Variants in ZNF609 observed in about 807,000 individuals in gnomAD.
ZNF609 encodes the protein zinc finger protein 609.
ZNF609 carries 11 observed loss-of-function variants against 109.5 expected under a neutral mutation model. That is an observed-to-expected ratio of 0.10 (90% CI 0.06 to 0.17). ZNF609 has a LOEUF of 0.17. ZNF609 is among the 10% of genes least tolerant of loss of function. The pLI is 1.00. For synonymous variants in ZNF609, 646 were observed against 662.0 expected (o/e 0.98, Z 0.37); for missense variants, 1,559 against 1,772.4 (o/e 0.88, Z 2.16).
chr15:64,497,659 T>C (rs1270158324), intron 1 of ZNF609, among the ~76,000 whole-genome samples: 1 of 152,058 alleles, frequency 6.6e-6, no homozygotes, highest in Non-Finnish European at 1.5e-5. Context: ...CCCAACACTT[T>C]GGGAGGTCGA....
intron 1 of ZNF609, among the ~76,000 whole-genome samples, chr15:64,485,912 A>G (rs988211478): frequency 2.6e-5 from 4 of 152,194 alleles, no homozygotes; most frequent in African/African-American, 7.2e-5. Flanking sequence ...TAAGCCATCT[A>G]TCTTGTTCAG....
At chr15:64,530,231 G>A (rs532033102) in intron 2 of ZNF609, among the ~76,000 whole-genome samples, 2 of 152,158 alleles carry the variant, frequency 1.3e-5, no homozygotes, top group East Asian at 3.9e-4. Context: ...GGCCAGGCTG[G>A]TCTCAAACTC....
rs200965877 is a variant in ZNF609 at position 64,528,381 on chromosome 15, TTTATTA to T, written c.747+28236_747+28241del. Among the ~76,000 whole-genome samples, 384 of 150,036 alleles carry T rather than the reference TTTATTA, an allele frequency of 2.6e-3. 2 individuals carry two copies. The highest frequency in any genetic ancestry group is 8.6e-3 in the African/African-American group (353 of 41,202). On this transcript the variant is annotated intron_variant, in intron 2 of 9. Transcript: ENST00000326648. ...TTTATTGGTGGGGGTTTTAAAAAAA[TTTATTA>T]TTATTATTATTATTATTATTTTTAA...
chr15:64,524,341 A>C (rs1472635300), intron 2 of ZNF609, among the ~76,000 whole-genome samples: 12 of 152,230 alleles, frequency 7.9e-5, no homozygotes, highest in African/African-American at 2.9e-4. Flanking sequence ...CAAGGCAGGC[A>C]GATCACAAGG....
intron 2 of ZNF609, among the ~76,000 whole-genome samples, chr15:64,571,912 T>TTC (rs750337002): frequency 6.6e-6 from 1 of 152,140 alleles, no homozygotes; most frequent in Non-Finnish European, 1.5e-5. Context: ...CCTCAAGTGA[T>TTC]CTCACAAAGT....
At chr15:64,592,957 C>G (rs556518459) in intron 2 of ZNF609, 7 of 952,294 alleles carry the variant, frequency 7.4e-6, no homozygotes, top group South Asian at 6.5e-5. Context: ...TGTTTTTGCT[C>G]TCTCCGGTCC....
chr15:64,550,328 T>G, intron 2 of ZNF609, among the ~76,000 whole-genome samples: 1 of 93,018 alleles, frequency 1.1e-5, no homozygotes, highest in African/African-American at 2.7e-5. Context: ...GTTGTTATTG[T>G]TGTTGTTGTT....
At chr15:64,568,576 G>T (rs1395985069) in intron 2 of ZNF609, among the ~76,000 whole-genome samples, 3 of 152,108 alleles carry the variant, frequency 2.0e-5, no homozygotes, top group African/African-American at 7.2e-5. Context: ...GGTGATTCTG[G>T]TGTGCATCCA....
At chr15:64,580,111 C>G (rs958451229) in intron 2 of ZNF609, among the ~76,000 whole-genome samples, 1 of 152,042 alleles carries the variant, frequency 6.6e-6, no homozygotes, top group Non-Finnish European at 1.5e-5. Context: ...GCAAGAGAGT[C>G]AGAGTCAGAG....
Position 64,500,159 on chromosome 15 carries a change from C to G in ZNF609, c.740C>G (p.Ser247Cys), listed in dbSNP as rs754415983. 3 of 1,613,130 alleles carry G rather than the reference C, an allele frequency of 1.9e-6. No homozygotes were observed. Among genetic ancestry groups the G allele is most frequent in the South Asian group, 2.2e-5 (2 of 91,016 alleles). Residue 247 changes from serine (S) to cysteine (C), a missense_variant, in exon 2 of 10, where the codon TCT (serine) becomes TGT (cysteine). This residue lies in a region of ZNF609 where 291 missense variants were observed against 317.8 expected (regional missense o/e 0.92). Transcript: ENST00000326648. ...TGTCGCCTGCTAAAGAAAGTCAAGT[C>G]TGAAAAGGTAAGAGGTGGCCAGATA... The part of the protein sequence containing the change: ...NECRLLKKVK[S>C]EKMESPVSTP...
rs556302129 is a variant in ZNF609 at position 64,563,344 on chromosome 15, G to C, written c.748-59483G>C. 4.2e-3 allele frequency among the ~76,000 whole-genome samples: 625 copies of C among 150,004 alleles called. 2 individuals are homozygous for C. The highest frequency in any genetic ancestry group is 0.015 in the African/African-American group (616 of 40,654). ...ATATGCCTGTAGTCCCAGCTCCCTCGGGAGGCTGAGGTGGGAGGATTGATG... is the reference window on the plus strand; with the variant it reads ...ATATGCCTGTAGTCCCAGCTCCCTCCGGAGGCTGAGGTGGGAGGATTGATG... On this transcript the variant is annotated intron_variant, in intron 2 of 9. Coordinates refer to ENST00000326648, the MANE Select transcript of ZNF609 (RefSeq NM_015042.2).
At chr15:64,576,959 T>C (rs927597604) in intron 2 of ZNF609, among the ~76,000 whole-genome samples, 1 of 141,950 alleles carries the variant, frequency 7.0e-6, no homozygotes, top group African/African-American at 2.6e-5. Flanking sequence ...CATATATGTA[T>C]ATATACACAT....
At chr15:64,547,052 A>C (rs1333401604) in intron 2 of ZNF609, among the ~76,000 whole-genome samples, 1 of 151,888 alleles carries the variant, frequency 6.6e-6, no homozygotes, top group Non-Finnish European at 1.5e-5. Context: ...GGCCTCCCAA[A>C]GTGCTGGGAT....
At chr15:64,644,212 AG>A (rs1205719714) in intron 3 of ZNF609, among the ~76,000 whole-genome samples, 2 of 152,234 alleles carry the variant, frequency 1.3e-5, no homozygotes, top group African/African-American at 4.8e-5. Context: ...ATAAAGAAAA[AG>A]AAGGCCAAGG....
chr15:64,662,956 C>T (rs988728088), intron 3 of ZNF609, among the ~76,000 whole-genome samples: 2 of 152,126 alleles, frequency 1.3e-5, no homozygotes, highest in Admixed American at 6.6e-5. Flanking sequence ...CATGAGCCAC[C>T]GTGCTTGGCT....
chr15:64,656,444 T>C (rs954027679), intron 3 of ZNF609, among the ~76,000 whole-genome samples: 3 of 152,170 alleles, frequency 2.0e-5, no homozygotes, highest in African/African-American at 4.8e-5. Flanking sequence ...CATCAAGTAT[T>C]AGATCAGCTT....
chr15:64,498,819 TA>T (rs1468064204), intron 1 of ZNF609, among the ~76,000 whole-genome samples: 1 of 152,190 alleles, frequency 6.6e-6, no homozygotes, highest in Non-Finnish European at 1.5e-5. Flanking sequence ...CTATTTGTAC[TA>T]GAGATAGACC....
intron 2 of ZNF609, among the ~76,000 whole-genome samples, chr15:64,578,576 C>G (rs1343028032): frequency 6.6e-6 from 1 of 152,014 alleles, no homozygotes; most frequent in Non-Finnish European, 1.5e-5. Context: ...ACCTGTAGTC[C>G]CAGCTACTCA....
At chr15:64,554,514 C>G (rs1894544360) in intron 2 of ZNF609, among the ~76,000 whole-genome samples, 1 of 151,948 alleles carries the variant, frequency 6.6e-6, no homozygotes, top group East Asian at 1.9e-4. Context: ...ATTAGCCGGG[C>G]AGTTAGACTA....
Sources: allele counts gnomAD v4.1 joint callset (sites outside exome capture counted in the v4.1 genomes callset), GRCh38; gene constraint gnomAD v4.1.1; regional missense constraint gnomAD v4.1.1; transcripts MANE v1.5; gene names NCBI Gene and HGNC (gene_info 2026-07-23, HGNC 2026-07-21).